Variants in PEX5L observed in about 807,000 individuals in gnomAD.
PEX5L encodes the protein peroxisomal biogenesis factor 5 like, also known as PEX5-related protein.
Under a neutral mutation model 84.0 loss-of-function variants are expected in PEX5L, and 30 were observed. The observed-to-expected ratio is 0.36, with a 90% CI of 0.27 to 0.48. The LOEUF (loss-of-function observed/expected upper bound fraction) is 0.48, where lower values mean the gene tolerates loss of function less well. Among genes scored for constraint, PEX5L ranks in the 20% least tolerant of loss-of-function variants. The pLI, the probability that PEX5L is intolerant of heterozygous loss-of-function variation, is 0.99. For synonymous variants in PEX5L, 270 were observed against 283.1 expected (o/e 0.95, Z 0.46); for missense variants, 533 against 754.6 (o/e 0.71, Z 3.44).
At chr3:179,905,401 T>C (rs1762820119) in intron 2 of PEX5L, among the ~76,000 whole-genome samples, 1 of 151,938 alleles carries the variant, frequency 6.6e-6, no homozygotes, top group African/African-American at 2.4e-5. Context: ...GTCTCCCGAG[T>C]AGCTGGAACT....
intron 1 of PEX5L, among the ~76,000 whole-genome samples, chr3:179,983,075 T>C (rs1786481742): frequency 6.6e-6 from 1 of 152,082 alleles, no homozygotes. Flanking sequence ...TGTTTCTTGC[T>C]GATGCTATTA....
chr3:179,855,569 A>G (rs1341756147), intron 8 of PEX5L, among the ~76,000 whole-genome samples: 3 of 152,158 alleles, frequency 2.0e-5, no homozygotes, highest in African/African-American at 7.2e-5. Context: ...AAGAATAACT[A>G]TTGCTAACAT....
chr3:179,907,876 C>T (rs1295654763), intron 2 of PEX5L, among the ~76,000 whole-genome samples: 1 of 152,184 alleles, frequency 6.6e-6, no homozygotes, highest in Non-Finnish European at 1.5e-5. Context: ...TGGCTTTCCC[C>T]ATTTTCTGGC....
chr3:179,998,369 T>A (rs1385788113), intron 1 of PEX5L, among the ~76,000 whole-genome samples: 1 of 152,134 alleles, frequency 6.6e-6, no homozygotes, highest in Non-Finnish European at 1.5e-5. Context: ...TTGCAACAGG[T>A]CCAGGCTGCC....
intron 1 of PEX5L, among the ~76,000 whole-genome samples, chr3:180,019,928 C>A (rs1156826317): frequency 6.6e-6 from 1 of 152,110 alleles, no homozygotes; most frequent in Non-Finnish European, 1.5e-5. Context: ...ATGTTCTTAT[C>A]GACAAGAGTC....
intron 1 of PEX5L, among the ~76,000 whole-genome samples, chr3:180,026,930 A>C (rs948907217): frequency 4.6e-5 from 7 of 152,218 alleles, no homozygotes; most frequent in Admixed American, 2.6e-4. Context: ...CTTGGTGAGA[A>C]GCCAATATGC....
At chr3:179,839,530 G>A (rs192222476) in intron 8 of PEX5L, among the ~76,000 whole-genome samples, 2 of 152,292 alleles carry the variant, frequency 1.3e-5, no homozygotes, top group East Asian at 3.9e-4. Context: ...TTAACCAAAT[G>A]TAGCTATTGG....
At chr3:179,813,740 A>G (rs113716480) in intron 10 of PEX5L, among the ~76,000 whole-genome samples, 1 of 142,768 alleles carries the variant, frequency 7.0e-6, no homozygotes, top group Admixed American at 7.2e-5. Context: ...GCAGTGGCGC[A>G]ATCTCGGCTC....
Position 180,036,633 on chromosome 3 carries a change from A to C in PEX5L, c.-34T>G. On this transcript the variant is annotated 5_prime_UTR_variant, in exon 1 of 15. Coordinates refer to ENST00000467460, the MANE Select transcript of PEX5L (RefSeq NM_016559.3). ...GGTTTCTTCAGGGCTCCCTGAGGCC[A>C]CCGGATGCTTTTCCCCCGTGCTTAC... 1.2e-6 allele frequency: 2 copies of C among 1,613,592 alleles called. No individual in the cohort carries two copies. The highest frequency in any genetic ancestry group is 1.7e-6 in the Non-Finnish European group (2 of 1,179,504).
At chr3:180,034,240 T>C (rs950959420) in intron 1 of PEX5L, among the ~76,000 whole-genome samples, 1 of 152,218 alleles carries the variant, frequency 6.6e-6, no homozygotes. Context: ...AACATTTCTG[T>C]TTCACTCTTG....
chr3:179,987,992 T>C (rs901973509), intron 1 of PEX5L, among the ~76,000 whole-genome samples: 2 of 152,178 alleles, frequency 1.3e-5, no homozygotes, highest in Admixed American at 1.3e-4. Flanking sequence ...TTTTCCCATA[T>C]TCAAAGGCTT....
At chr3:179,854,064 A>T (rs1179941743) in intron 8 of PEX5L, among the ~76,000 whole-genome samples, 1 of 138,582 alleles carries the variant, frequency 7.2e-6, no homozygotes, top group Non-Finnish European at 1.6e-5. Flanking sequence ...CTGCCTGCCC[A>T]GGAGTTTGAG....
chr3:179,951,820 T>C (rs904214974), intron 2 of PEX5L, among the ~76,000 whole-genome samples: 1 of 152,170 alleles, frequency 6.6e-6, no homozygotes, highest in Non-Finnish European at 1.5e-5. Flanking sequence ...ATGTGGTCCA[T>C]GGGGAGTGTT....
chr3:179,961,640 A>C (rs1347849347), intron 2 of PEX5L, among the ~76,000 whole-genome samples: 1 of 152,232 alleles, frequency 6.6e-6, no homozygotes, highest in Non-Finnish European at 1.5e-5. Context: ...ATATGAAAAT[A>C]AGAAAAATAT....
chr3:179,966,968 C>T (rs902473908), intron 2 of PEX5L, among the ~76,000 whole-genome samples: 9 of 152,136 alleles, frequency 5.9e-5, no homozygotes, highest in African/African-American at 2.2e-4. Context: ...ACTTTTAGCT[C>T]TAGTTTTATT....
chr3:179,808,555 G>T, intron 12 of PEX5L, 118 bp from the exon 13 acceptor site: 1 of 711,774 alleles, frequency 1.4e-6, no homozygotes, highest in Non-Finnish European at 2.1e-6. Flanking sequence ...GGAAAATTTT[G>T]CTTAAAATAC....
chr3:179,985,439 A>G (rs1176701955), intron 1 of PEX5L, among the ~76,000 whole-genome samples: 1 of 146,930 alleles, frequency 6.8e-6, no homozygotes, highest in East Asian at 2.1e-4. Context: ...CTCATTCTGT[A>G]TATGCTATTG....
chr3:179,924,429 T>C (rs1770782943), intron 2 of PEX5L, among the ~76,000 whole-genome samples: 1 of 152,192 alleles, frequency 6.6e-6, no homozygotes, highest in Admixed American at 6.5e-5. Context: ...TTGGAATGAA[T>C]AAACGAGAGA....
intron 8 of PEX5L, among the ~76,000 whole-genome samples, chr3:179,843,739 T>A (rs1490787500): frequency 6.6e-6 from 1 of 152,232 alleles, no homozygotes; most frequent in Admixed American, 6.5e-5. Context: ...TACTTTTTAA[T>A]TTTTGTAAAA....
Sources: allele counts gnomAD v4.1 joint callset (sites outside exome capture counted in the v4.1 genomes callset), GRCh38; gene constraint gnomAD v4.1.1; transcripts MANE v1.5; gene names NCBI Gene and HGNC (gene_info 2026-07-23, HGNC 2026-07-21).